OGG1: variants seen among roughly 807,000 people sequenced by gnomAD.
The protein encoded by OGG1 is 8-oxoguanine DNA glycosylase, also known as N-glycosylase/DNA lyase.
OGG1 carries 35 observed loss-of-function variants against 42.3 expected under a neutral mutation model. That is an observed-to-expected ratio of 0.83 (90% CI 0.63 to 1.10). The LOEUF is 1.10. Among genes scored for constraint, OGG1 ranks in the 50% least tolerant of loss-of-function variants. The pLI, the probability that OGG1 is intolerant of heterozygous loss-of-function variation, is 0.00. For missense variants in OGG1, 484 were observed against 446.7 expected (o/e 1.08, Z -0.75); for synonymous variants, 189 against 179.0 (o/e 1.06, Z -0.44).
downstream of OGG1, chr3:9,759,653 A>G (rs760109896): frequency 1.2e-6 from 2 of 1,614,164 alleles, no homozygotes; most frequent in Non-Finnish European, 8.5e-7. Context: ...CCCAGCTCAC[A>G]GGTTGTGTGA....
intron 2 of OGG1, among the ~76,000 whole-genome samples, chr3:9,777,772 A>C (rs2078383589): frequency 6.6e-6 from 1 of 152,098 alleles, no homozygotes; most frequent in Non-Finnish European, 1.5e-5. Context: ...CCTCCTCCAC[A>C]AAACTGTCTC....
Position 9,752,596 on chromosome 3 carries a change from A to G in OGG1, c.565+647A>G, listed in dbSNP as rs78811420. On this transcript the variant is annotated intron_variant, in intron 3 of 6. Transcript: ENST00000344629. Reference sequence around the variant, plus strand: ...TAGTGAATGGGATAGTTTTGTATCTAAGAACACGTGTGTTCTTCACAGTAG... The same window carrying G: ...TAGTGAATGGGATAGTTTTGTATCTGAGAACACGTGTGTTCTTCACAGTAG... 4.4e-3 allele frequency among the ~76,000 whole-genome samples: 674 copies of G among 151,892 alleles called. 5 individuals are homozygous for G. Among genetic ancestry groups the G allele is most frequent in the African/African-American group, 0.016 (649 of 41,358 alleles).
rs2077466849 is a variant in OGG1, at chr3:9,754,892, C to T, written c.747+7C>T. On this transcript the variant is annotated splice_region_variant and intron_variant, in intron 4 of 6. Coordinates refer to ENST00000344629, the MANE Select transcript of OGG1 (RefSeq NM_002542.6). Reference sequence around the variant, plus strand: ...GCCTGGAGTGGGCACCAAGGTGAGGCCCCAGGGGGTAGGAGCTGCCCTCTC... The same window carrying T: ...GCCTGGAGTGGGCACCAAGGTGAGGTCCCAGGGGGTAGGAGCTGCCCTCTC... The T allele has an allele frequency of 1.9e-6, 3 of 1,580,864 alleles. No homozygotes were observed. The highest frequency in any genetic ancestry group is 2.6e-6 in the Non-Finnish European group (3 of 1,162,368).
chr3:9,777,184 TG>T (rs1453038925), intron 2 of OGG1, among the ~76,000 whole-genome samples: 1 of 152,192 alleles, frequency 6.6e-6, no homozygotes, highest in African/African-American at 2.4e-5. Flanking sequence ...TTTGGAACTC[TG>T]GGGAGACCAT....
downstream of OGG1, among the ~76,000 whole-genome samples, chr3:9,789,312 T>G (rs1311583270): frequency 6.6e-6 from 1 of 151,990 alleles, no homozygotes; most frequent in Non-Finnish European, 1.5e-5. Flanking sequence ...GTGTTGACAT[T>G]TGGCTGGGGT....
chr3:9,772,318 C>T (rs528364263), intron 2 of OGG1, among the ~76,000 whole-genome samples: 4 of 152,326 alleles, frequency 2.6e-5, no homozygotes, highest in African/African-American at 9.6e-5. Flanking sequence ...GATTCTTTCG[C>T]TTCCCAAGTG....
At chr3:9,755,503 T>C (rs1267587774) in intron 4 of OGG1, among the ~76,000 whole-genome samples, 2 of 151,752 alleles carry the variant, frequency 1.3e-5, no homozygotes, top group Non-Finnish European at 2.9e-5. Context: ...CTTGCTTTGT[T>C]GCCAGGCTGG....
downstream of OGG1, chr3:9,759,381 G>A: frequency 1.3e-6 from 2 of 1,559,750 alleles, no homozygotes; most frequent in Non-Finnish European, 1.8e-6. Flanking sequence ...TCCCTAAGCA[G>A]TTACTGTGTG....
chr3:9,759,220 C>T (rs1443511398), downstream of OGG1: 2 of 1,614,050 alleles, frequency 1.2e-6, no homozygotes, highest in South Asian at 2.2e-5. Flanking sequence ...TATGACCTTT[C>T]TCGGACCCCA....
chr3:9,761,165 G>C (rs1021354810), downstream of OGG1: 31 of 371,640 alleles, frequency 8.3e-5, no homozygotes, highest in African/African-American at 6.0e-4. Flanking sequence ...CCTGACGTCA[G>C]TTTGTAGATT....
intron 6 of OGG1, 117 bp downstream of exon 6, chr3:9,756,933 C>T: frequency 1.2e-6 from 2 of 1,612,026 alleles, no homozygotes; most frequent in Non-Finnish European, 8.5e-7. Flanking sequence ...CTGTCCCAAC[C>T]CCAGTGGATT....
rs2077221385 is a variant in OGG1 at position 9,750,032 on chromosome 3, A to C, written c.-255A>C. 9.2e-6 allele frequency: 5 copies of C among 543,382 alleles called. No homozygotes were observed. Among genetic ancestry groups the C allele is most frequent in the South Asian group, 4.9e-5 (2 of 40,760 alleles). 33.7% of individuals were successfully genotyped at this position (543,382 alleles called of 1,614,324 possible). ...ACAGGCTCTGGGGGCGGGAGAAGAT[A>C]AGTCGCAAGGAGGGGGCGGGACCTA... On this transcript the variant is annotated 5_prime_UTR_variant, in exon 1 of 7. Coordinates refer to ENST00000344629, the MANE Select transcript of OGG1 (RefSeq NM_002542.6).
intron 3 of OGG1, chr3:9,787,192 G>A: frequency 6.2e-7 from 1 of 1,614,188 alleles, no homozygotes; most frequent in Non-Finnish European, 8.5e-7. Flanking sequence ...GGAGGTGAGA[G>A]GCCTACCTTT....
chr3:9,779,012 C>G (rs1417914184), intron 2 of OGG1, among the ~76,000 whole-genome samples: 2 of 152,096 alleles, frequency 1.3e-5, no homozygotes, highest in African/African-American at 4.8e-5. Flanking sequence ...GCAAATTATT[C>G]CCTGATTCTC....
intron 3 of OGG1, among the ~76,000 whole-genome samples, chr3:9,781,760 G>A (rs1246846287): frequency 2.0e-5 from 3 of 152,032 alleles, no homozygotes; most frequent in Non-Finnish European, 4.4e-5. Context: ...CCTTGCAGCT[G>A]CTCTGCAGCA....
intron 3 of OGG1, chr3:9,784,009 G>A (rs747926283): frequency 1.2e-6 from 2 of 1,606,766 alleles, no homozygotes; most frequent in Non-Finnish European, 8.5e-7. Flanking sequence ...CCGGGACTGT[G>A]CATCCTGCTA....
At chr3:9,754,141 A>G (rs2077432472) in intron 3 of OGG1, among the ~76,000 whole-genome samples, 1 of 152,146 alleles carries the variant, frequency 6.6e-6, no homozygotes, top group Non-Finnish European at 1.5e-5. Flanking sequence ...CCCTGTGTCA[A>G]AAAAAGAAAA....
At position 9,751,821 on chromosome 3, in the gene OGG1, G is replaced by T. The variant is rs2077313767; in HGVS notation, c.437G>T (p.Cys146Phe). The change falls in exon 3 of 7, where the codon TGT (cysteine) becomes TTT (phenylalanine). Residue 146 changes from cysteine (C) to phenylalanine (F), a missense_variant. Coordinates refer to ENST00000344629, the MANE Select transcript of OGG1 (RefSeq NM_002542.6). ...DPIECLFSFI[C>F]SSNNNIARIT... ...ATCGAATGCCTTTTCTCTTTTATCTGTTCCTCCAACAACAACATCGCCCGC... is the reference window on the plus strand; with the variant it reads ...ATCGAATGCCTTTTCTCTTTTATCTTTTCCTCCAACAACAACATCGCCCGC... The T allele has an allele frequency of 1.2e-6, 2 of 1,614,162 alleles. No individual in the cohort carries two copies. The highest frequency in any genetic ancestry group is 1.7e-6 in the Non-Finnish European group (2 of 1,180,034).
rs1189647388 is a variant in OGG1 at position 9,750,194 on chromosome 3, G to C, written c.-93G>C. ...AGCACCGTGTGGGCGAGGCCTTAAGGGTCGTGGTCCTTGTCTGGGCGGGGT... is the reference window on the plus strand; with the variant it reads ...AGCACCGTGTGGGCGAGGCCTTAAGCGTCGTGGTCCTTGTCTGGGCGGGGT... On this transcript the variant is annotated 5_prime_UTR_variant, in exon 1 of 7. Transcript: ENST00000344629. 1 of 1,493,534 alleles carries C rather than the reference G, an allele frequency of 6.7e-7. No individual in the cohort carries two copies. The highest frequency in any genetic ancestry group is 2.3e-5 in the East Asian group (1 of 44,086). 92.5% of individuals were successfully genotyped at this position (1,493,534 alleles called of 1,614,324 possible). A position where few individuals can be genotyped will look rare whatever the true frequency, so the allele number is the denominator to read the frequency against.
Sources: allele counts gnomAD v4.1 joint callset (sites outside exome capture counted in the v4.1 genomes callset), GRCh38; gene constraint gnomAD v4.1.1; transcripts MANE v1.5; gene names NCBI Gene and HGNC (gene_info 2026-07-23, HGNC 2026-07-21).